Variants in VRTN observed in about 807,000 individuals in gnomAD.
VRTN encodes vertebrae development associated.
Under a neutral mutation model 18.2 loss-of-function variants are expected in VRTN, and 5 were observed. The ratio of observed to expected loss-of-function variants is 0.27; its 90% CI spans 0.14 to 0.58. The LOEUF is 0.58. Among genes scored for constraint, VRTN ranks in the 20% least tolerant of loss-of-function variants. VRTN has a pLI of 0.91. For synonymous variants in VRTN, 381 were observed against 393.7 expected (o/e 0.97, Z 0.38); for missense variants, 741 against 939.4 (o/e 0.79, Z 2.76).
intron 1 of VRTN, among the ~76,000 whole-genome samples, chr14:74,334,926 A>G (rs887640032): frequency 1.3e-5 from 2 of 152,170 alleles, no homozygotes; most frequent in African/African-American, 4.8e-5. Context: ...AAGAATACGA[A>G]GACAAAGAGT....
chr14:74,347,269 T>A (rs2085649478), upstream of VRTN, among the ~76,000 whole-genome samples: 1 of 152,198 alleles, frequency 6.6e-6, no homozygotes, highest in South Asian at 2.1e-4. Context: ...AGGATTGGCA[T>A]TCAAACCCAA....
At chr14:74,344,855 G>A (rs2085633729), upstream of VRTN, among the ~76,000 whole-genome samples, 1 of 151,764 alleles carries the variant, frequency 6.6e-6, no homozygotes, top group Non-Finnish European at 1.5e-5. Flanking sequence ...GTGCATAAGA[G>A]TGTATAGTAG....
chr14:74,313,251 G>A (rs1195921937), intron 1 of VRTN, among the ~76,000 whole-genome samples: 1 of 152,022 alleles, frequency 6.6e-6, no homozygotes, highest in Non-Finnish European at 1.5e-5. Flanking sequence ...CACATAGAAG[G>A]TGTTCACTAA....
upstream of VRTN, among the ~76,000 whole-genome samples, chr14:74,344,788 T>A (rs973879770): frequency 1.3e-5 from 2 of 149,354 alleles, no homozygotes; most frequent in Non-Finnish European, 3.0e-5. Flanking sequence ...GTAACCCTCT[T>A]TAAATTTCAT....
chr14:74,316,930 C>T lies in VRTN; in HGVS notation c.-164+13754C>T, dbSNP rs1054402044. Among the ~76,000 whole-genome samples the T allele has an allele frequency of 1.1e-4, 16 of 152,118 alleles. No individual in the cohort carries two copies. In the East Asian group the frequency reaches 1.7e-3, roughly 17 times the overall value. ...GGGATTACAGGTGTGAGTCACCGCCCGGCAAGGAGGGATTATTCTTGGGAT... is the reference window on the plus strand; with the variant it reads ...GGGATTACAGGTGTGAGTCACCGCCTGGCAAGGAGGGATTATTCTTGGGAT... On this transcript the variant is annotated intron_variant, in intron 1 of 2. Coordinates refer to the VRTN transcript ENST00000557177.
At chr14:74,336,951 A>G (rs2085569121) in intron 1 of VRTN, among the ~76,000 whole-genome samples, 1 of 152,150 alleles carries the variant, frequency 6.6e-6, no homozygotes. Context: ...AACATTTTGT[A>G]ATTTTACGTA....
At chr14:74,355,996 T>C (rs1285730094) in intron 1 of VRTN, among the ~76,000 whole-genome samples, 3 of 151,970 alleles carry the variant, frequency 2.0e-5, no homozygotes, top group African/African-American at 7.3e-5. Flanking sequence ...TGTGCCCAGC[T>C]AATTTTTGTA....
intron 1 of VRTN, among the ~76,000 whole-genome samples, chr14:74,336,419 G>C (rs889238726): frequency 2.0e-5 from 3 of 150,432 alleles, no homozygotes; most frequent in African/African-American, 7.3e-5. Flanking sequence ...AAAAAAACCC[G>C]CCTCTTTCCA....
chr14:74,334,990 A>G (rs755633950), intron 1 of VRTN, among the ~76,000 whole-genome samples: 1 of 152,126 alleles, frequency 6.6e-6, no homozygotes, highest in Non-Finnish European at 1.5e-5. Flanking sequence ...TCAAATAACC[A>G]TAACACAAAG....
At chr14:74,316,550 G>T (rs148458176) in intron 1 of VRTN, among the ~76,000 whole-genome samples, 2 of 151,448 alleles carry the variant, frequency 1.3e-5, no homozygotes, top group African/African-American at 4.8e-5. Flanking sequence ...CCTGAATGAA[G>T]TGAAGGAAGG....
In VRTN at chr14:74,358,226, G is replaced by T. The variant is rs943952478; in HGVS notation, c.1443G>T (p.Glu481Asp). ...AVIPWKSEAEEGAGNATGEDP... is the reference protein window; with the variant it reads ...AVIPWKSEAEDGAGNATGEDP... ...TTCCTTGGAAGAGTGAGGCGGAAGA[G>T]GGGGCAGGGAATGCCACAGGTGAGG... Residue 481 changes from glutamate to aspartate, a missense_variant, in exon 2 of 2, where the codon GAG becomes GAT. By Grantham distance (45) the Glu-to-Asp change is conservative. Transcript: ENST00000256362. This position sits in a 1 kb window ranked among gnomAD's most constrained non-coding sequence, Gnocchi z 5.4. 6.2e-7 allele frequency: 1 copy of T among 1,612,608 alleles called. No homozygotes were observed. The highest frequency in any genetic ancestry group is 1.3e-5 in the African/African-American group (1 of 74,936).
chr14:74,327,248 C>G (rs772350729), intron 1 of VRTN, among the ~76,000 whole-genome samples: 6 of 152,138 alleles, frequency 3.9e-5, no homozygotes, highest in Non-Finnish European at 8.8e-5. Context: ...AGAGGCTCAC[C>G]CCAAGCCTCC....
chr14:74,314,168 G>T (rs2085405151), intron 1 of VRTN, among the ~76,000 whole-genome samples: 2 of 151,908 alleles, frequency 1.3e-5, no homozygotes. Flanking sequence ...GTCTTGCTCT[G>T]TTGTCTAGGC....
At chr14:74,304,247 C>A (rs1454961894) in intron 1 of VRTN, among the ~76,000 whole-genome samples, 1 of 151,816 alleles carries the variant, frequency 6.6e-6, no homozygotes, top group African/African-American at 2.4e-5. Context: ...ACCTGTGCCT[C>A]CCGGGTTCAA....
chr14:74,320,479 G>A (rs1239095832), intron 1 of VRTN, among the ~76,000 whole-genome samples: 9 of 147,062 alleles, frequency 6.1e-5, no homozygotes, highest in Non-Finnish European at 8.9e-5. Flanking sequence ...AGCCAGGATG[G>A]TCTCGATCTC....
intron 1 of VRTN, among the ~76,000 whole-genome samples, chr14:74,312,262 A>G (rs1339735073): frequency 1.3e-5 from 2 of 152,180 alleles, no homozygotes; most frequent in Non-Finnish European, 2.9e-5. Context: ...ATCTTTGGAT[A>G]TATCCCAAAT....
intron 1 of VRTN, among the ~76,000 whole-genome samples, chr14:74,353,305 AG>A (rs2140212736): frequency 6.6e-6 from 1 of 152,196 alleles, no homozygotes. Flanking sequence ...AAAGAAAAAA[AG>A]TGTTTGGTTT....
chr14:74,329,227 A>G (rs1286326828), intron 1 of VRTN, among the ~76,000 whole-genome samples: 2 of 151,632 alleles, frequency 1.3e-5, no homozygotes, highest in Non-Finnish European at 2.9e-5. Context: ...GTGAGCCAAG[A>G]TCATGCCACT....
chr14:74,304,057 G>C (rs1411429189), intron 1 of VRTN, among the ~76,000 whole-genome samples: 1 of 151,806 alleles, frequency 6.6e-6, no homozygotes, highest in Non-Finnish European at 1.5e-5. Flanking sequence ...CTCCATATTG[G>C]TCAGGCTGGT....
Sources: allele counts gnomAD v4.1 joint callset (sites outside exome capture counted in the v4.1 genomes callset), GRCh38; gene constraint gnomAD v4.1.1; non-coding constraint Gnocchi (gnomAD v3.1); transcripts MANE v1.5; gene names NCBI Gene and HGNC (gene_info 2026-07-23, HGNC 2026-07-21).